Variants in PARD3B observed in about 807,000 individuals in gnomAD.
The protein encoded by PARD3B is par-3 family cell polarity regulator beta, also known as partitioning defective 3 homolog B.
A neutral mutation model predicts 130.2 loss-of-function variants in PARD3B; 103 were observed. The ratio of observed to expected loss-of-function variants is 0.79; its 90% CI spans 0.67 to 0.93. The LOEUF is 0.93. Ranked by LOEUF, PARD3B falls within the 40% of genes least tolerant of loss-of-function variation. PARD3B has a pLI of 0.00. For synonymous variants in PARD3B, 583 were observed against 553.2 expected (o/e 1.05, Z -0.76); for missense variants, 1,609 against 1,499.2 (o/e 1.07, Z -1.21).
intron 18 of PARD3B, among the ~76,000 whole-genome samples, chr2:205,381,044 A>G: frequency 1.8e-5 from 1 of 55,186 alleles, no homozygotes; most frequent in South Asian, 7.1e-4. Flanking sequence ...TATAAAGAAT[A>G]TATATTATAT....
intron 2 of PARD3B, among the ~76,000 whole-genome samples, chr2:204,808,708 C>T (rs746143082): frequency 2.0e-5 from 3 of 152,054 alleles, no homozygotes; most frequent in Admixed American, 1.3e-4. Flanking sequence ...ATACATGTAC[C>T]ACATTTTCTG....
chr2:205,028,045 G>T (rs961019212), intron 3 of PARD3B, among the ~76,000 whole-genome samples: 1 of 151,934 alleles, frequency 6.6e-6, no homozygotes, highest in South Asian at 2.1e-4. Flanking sequence ...ATTACTTTTG[G>T]TATTTGGGGG....
chr2:204,678,779 A>G lies in PARD3B; in HGVS notation c.121-7402A>G, dbSNP rs2036680227. 6.6e-6 allele frequency among the ~76,000 whole-genome samples: 1 copy of G among 151,958 alleles called. No individual in the cohort carries two copies. The highest frequency in any genetic ancestry group is 2.4e-5 in the African/African-American group (1 of 41,366). On this transcript the variant is annotated intron_variant, in intron 1 of 22. Coordinates refer to ENST00000406610, the MANE Select transcript of PARD3B (RefSeq NM_001302769.2). This position sits in a 1 kb window ranked among gnomAD's most constrained non-coding sequence, Gnocchi z 4.2. ...CCAAAAAGTAGCATTTGAGCTGGAA[A>G]ACGGATAACTGTTTTCATTTAGGGC...
chr2:204,639,762 A>G (rs564638404), intron 1 of PARD3B, among the ~76,000 whole-genome samples: 5 of 152,222 alleles, frequency 3.3e-5, no homozygotes, highest in African/African-American at 9.6e-5. Flanking sequence ...AGGGACAACT[A>G]TATAATTAAT....
intron 15 of PARD3B, among the ~76,000 whole-genome samples, chr2:205,217,756 ATG>A (rs1232108545): frequency 1.3e-5 from 2 of 149,532 alleles, no homozygotes; most frequent in Non-Finnish European, 3.0e-5. Flanking sequence ...GTGTGTATAT[ATG>A]TGTGTAGATA....
At chr2:204,803,043 A>G (rs781081557) in intron 2 of PARD3B, among the ~76,000 whole-genome samples, 4 of 150,702 alleles carry the variant, frequency 2.7e-5, no homozygotes, top group Non-Finnish European at 5.9e-5. Context: ...GAAAGAAATG[A>G]AAGAAAATGC....
intron 4 of PARD3B, among the ~76,000 whole-genome samples, chr2:205,056,978 G>A (rs1374437723): frequency 6.7e-6 from 1 of 149,220 alleles, no homozygotes; most frequent in Non-Finnish European, 1.5e-5. Flanking sequence ...AGGCATCAAA[G>A]CGATTGATAT....
chr2:204,784,658 C>G (rs560800075), intron 2 of PARD3B, among the ~76,000 whole-genome samples: 70 of 152,234 alleles, frequency 4.6e-4, no homozygotes, highest in African/African-American at 1.7e-3. Flanking sequence ...TTGTTGGAAC[C>G]AAACTACCAA....
intron 3 of PARD3B, among the ~76,000 whole-genome samples, chr2:205,036,822 A>G (rs149605445): frequency 1.0e-3 from 149 of 149,408 alleles, no homozygotes; most frequent in African/African-American, 2.9e-3. Flanking sequence ...TATATACACA[A>G]CGGACTGTAT....
intron 22 of PARD3B, among the ~76,000 whole-genome samples, chr2:205,581,410 TATATATAA>T (rs199783328): frequency 0.23 from 33,168 of 144,400 alleles, 4,108 homozygotes; most frequent in Non-Finnish European, 0.29. Context: ...TATATATAAG[TATATATAA>T]ATATATAAAT....
At chr2:205,248,748 C>G (rs747247237) in intron 16 of PARD3B, among the ~76,000 whole-genome samples, 8 of 151,358 alleles carry the variant, frequency 5.3e-5, no homozygotes, top group Non-Finnish European at 1.0e-4. Context: ...GCTGGGACCA[C>G]AGGCGCCCAC....
chr2:205,019,629 A>T (rs1696446043), intron 3 of PARD3B, among the ~76,000 whole-genome samples: 1 of 152,146 alleles, frequency 6.6e-6, no homozygotes, highest in African/African-American at 2.4e-5. Flanking sequence ...GTTTCTCCAC[A>T]TCCTCACCAA....
intron 2 of PARD3B, among the ~76,000 whole-genome samples, chr2:204,954,269 G>A (rs1690050971): frequency 6.6e-6 from 1 of 152,110 alleles, no homozygotes. Context: ...TTAAATATGG[G>A]CTTTGAAGCC....
intron 4 of PARD3B, among the ~76,000 whole-genome samples, chr2:205,055,390 G>A (rs1034732798): frequency 6.6e-6 from 1 of 152,090 alleles, no homozygotes; most frequent in Non-Finnish European, 1.5e-5. Context: ...TAAAAAGAAA[G>A]AACATTTACG....
intron 4 of PARD3B, chr2:205,047,984 T>C: frequency 4.5e-6 from 1 of 222,110 alleles, no homozygotes; most frequent in Non-Finnish European, 8.8e-6. Context: ...ATTTAACTGA[T>C]AATGAAATTG....
chr2:204,935,313 A>G lies in PARD3B; in HGVS notation c.223-29839A>G, dbSNP rs1688342565. Among the ~76,000 whole-genome samples the G allele has an allele frequency of 2.0e-5, 3 of 150,726 alleles. No homozygotes were observed. The South Asian group carries it at 6.3e-4, about 32-fold the overall frequency. ...GGGAGGCCAAGGCGGGCGGATCACA[A>G]GGTCAGGAGATCAAGACCATCCTGG... On this transcript the variant is annotated intron_variant, in intron 2 of 22. Transcript: ENST00000406610.
In PARD3B at chr2:205,309,896, CTAT is replaced by C. The variant is rs1303741914; in HGVS notation, c.2630+8196_2630+8198del. ...TTGATAGACATTACTTCTTATCCAT[CTAT>C]CTATCTATCTATCTATCTATCTATC... On this transcript the variant is annotated intron_variant, in intron 18 of 22. Coordinates refer to ENST00000406610, the MANE Select transcript of PARD3B (RefSeq NM_001302769.2). This position sits in a 1 kb window ranked among gnomAD's most constrained non-coding sequence, Gnocchi z 4.7. Among the ~76,000 whole-genome samples, 13 of 2,026 alleles carry C rather than the reference CTAT, an allele frequency of 6.4e-3. No homozygotes were observed. The highest frequency in any genetic ancestry group is 0.061 in the Admixed American group (7 of 114). The allele number at this position is 2,026 out of a possible 152,430, so 1.3% of individuals were successfully genotyped here.
chr2:204,878,487 A>T (rs1334602994), intron 2 of PARD3B, among the ~76,000 whole-genome samples: 1 of 152,116 alleles, frequency 6.6e-6, no homozygotes, highest in Non-Finnish European at 1.5e-5. Context: ...AAATACAGTC[A>T]CAATTTTTCC....
chr2:204,704,735 A>AG (rs772497010), intron 2 of PARD3B, among the ~76,000 whole-genome samples: 1 of 152,078 alleles, frequency 6.6e-6, no homozygotes, highest in East Asian at 1.9e-4. Flanking sequence ...TTTGAATCTG[A>AG]GGGGGCCACT....
Sources: allele counts gnomAD v4.1 joint callset (sites outside exome capture counted in the v4.1 genomes callset), GRCh38; gene constraint gnomAD v4.1.1; non-coding constraint Gnocchi (gnomAD v3.1); transcripts MANE v1.5; gene names NCBI Gene and HGNC (gene_info 2026-07-23, HGNC 2026-07-21).